The following ZNF84 variants were observed in gnomAD, a reference collection of about 807,000 sequenced individuals.
ZNF84 encodes zinc finger protein HPF2.
Under a neutral mutation model 14.8 loss-of-function variants are expected in ZNF84, and 12 were observed. The observed-to-expected ratio is 0.81, with a 90% CI of 0.52 to 1.31. The LOEUF is 1.31. ZNF84 is among the 50% of genes most tolerant of loss of function. The pLI is 0.00. For synonymous variants in ZNF84, 347 were observed against 291.1 expected (o/e 1.19, Z -1.96); for missense variants, 859 against 878.6 (o/e 0.98, Z 0.28).
chr12:133,055,491 C>T (rs1954138968), intron 4 of ZNF84, among the ~76,000 whole-genome samples: 2 of 151,696 alleles, frequency 1.3e-5, no homozygotes, highest in African/African-American at 4.8e-5. Context: ...CCAGTAATAC[C>T]ATAATACCCA....
chr12:133,053,769 TGGGG>T, intron 4 of ZNF84, among the ~76,000 whole-genome samples: 1 of 152,214 alleles, frequency 6.6e-6, no homozygotes, highest in East Asian at 1.9e-4. Flanking sequence ...ATGTTTATAA[TGGGG>T]TCTTGATTTT....
intron 4 of ZNF84, among the ~76,000 whole-genome samples, chr12:133,051,627 T>G (rs1243181618): frequency 6.6e-6 from 1 of 152,142 alleles, no homozygotes; most frequent in Admixed American, 6.6e-5. Flanking sequence ...AGCAAAAATA[T>G]AGTAACACAT....
intron 1 of ZNF84, chr12:133,040,351 C>T (rs1953864447): frequency 6.6e-6 from 1 of 151,764 alleles, no homozygotes; most frequent in South Asian, 2.1e-4. Flanking sequence ...TGCTTGAGCC[C>T]AGGAGTTTGA....
rs1391843693 is a variant in ZNF84 at position 133,058,814 on chromosome 12, A to C, written c.2099A>C (p.Asn700Thr). 1.9e-6 allele frequency: 3 copies of C among 1,613,948 alleles called. No individual in the cohort carries two copies. The highest frequency in any genetic ancestry group is 2.7e-5 in the African/African-American group (2 of 74,912). Residue 700 changes from asparagine (N) to threonine (T), a missense_variant, in exon 5 of 5, where the codon AAT becomes ACT. Transcript: ENST00000539354. ...TTCTCTCAGAAGTCACAGCTGGTTA[A>C]TCATCAGAGAATTCATACAGGAGAG... ...KAFSQKSQLV[N>T]HQRIHTGEKP...
chr12:133,041,442 C>T lies in ZNF84; in HGVS notation c.-26C>T. ...CACAGTAGAACCGATCTCAGCCTTG[C>T]TGATCATCTCGTACAGCAGCAGAAA... On this transcript the variant is annotated 5_prime_UTR_variant, in exon 2 of 5. Transcript: ENST00000539354. 6.2e-7 allele frequency: 1 copy of T among 1,613,962 alleles called. No homozygotes were observed. Among genetic ancestry groups the T allele is most frequent in the South Asian group, 1.1e-5 (1 of 91,072 alleles).
intron 4 of ZNF84, among the ~76,000 whole-genome samples, chr12:133,056,226 TATA>T (rs1435490889): frequency 6.6e-6 from 1 of 152,170 alleles, no homozygotes; most frequent in Non-Finnish European, 1.5e-5. Context: ...ATATAAATTT[TATA>T]ATGACAGGAA....
At chr12:133,053,475 T>A (rs377388495) in intron 4 of ZNF84, among the ~76,000 whole-genome samples, 1 of 152,142 alleles carries the variant, frequency 6.6e-6, no homozygotes. Context: ...TGTGGGGGCT[T>A]GCACCTGTAA....
At position 133,058,132 on chromosome 12, in the gene ZNF84, C is replaced by T; in HGVS notation, c.1417C>T (p.Gln473Ter). ...KCGKAFSRKS[Q>*]LVRHQRTHTG... Reference sequence around the variant, plus strand: ...TGGGAAAGCCTTCAGCAGGAAATCACAGCTCGTTAGACATCAGAGAACTCA... The same window carrying T: ...TGGGAAAGCCTTCAGCAGGAAATCATAGCTCGTTAGACATCAGAGAACTCA... Residue 473 changes from glutamine (Q) to a stop codon, truncating the protein, a stop_gained, in exon 5 of 5, where the codon CAG (glutamine) becomes TAG (stop). Transcript: ENST00000539354. LOFTEE classifies it low-confidence loss of function (END_TRUNC). 1 of 1,613,962 alleles carries T rather than the reference C, an allele frequency of 6.2e-7. No individual in the cohort carries two copies.
At chr12:133,054,865 C>G (rs2137405263) in intron 4 of ZNF84, among the ~76,000 whole-genome samples, 1 of 152,030 alleles carries the variant, frequency 6.6e-6, no homozygotes, top group South Asian at 2.1e-4. Context: ...TTATATGAGC[C>G]AAATACTAAC....
Position 133,059,195 on chromosome 12 carries a change from C to T in ZNF84, c.*263C>T. On this transcript the variant is annotated 3_prime_UTR_variant, in exon 5 of 5. Transcript: ENST00000539354. ...CAGCAAAGAAGAATCCTGTGAATGT[C>T]CAAAAGCCTTCCAGAAGTCAAGTCT... The T allele has an allele frequency of 2.4e-6, 1 of 411,580 alleles. No homozygotes were observed. Among genetic ancestry groups the T allele is most frequent in the Non-Finnish European group, 4.3e-6 (1 of 233,544 alleles). 25.5% of individuals were successfully genotyped at this position (411,580 alleles called of 1,614,324 possible).
chr12:133,047,670 ATG>A, intron 2 of ZNF84: 1 of 260,648 alleles, frequency 3.8e-6, no homozygotes, highest in Non-Finnish European at 7.7e-6. Flanking sequence ...CTGGATACAC[ATG>A]TAGTTTACTA....
At position 133,041,410 on chromosome 12, in the gene ZNF84, A is replaced by G; in HGVS notation, c.-58A>G. On this transcript the variant is annotated 5_prime_UTR_variant, in exon 2 of 5. Transcript: ENST00000539354. ...TCCACAGTTTTGGGGCAGAAGCAGAAGAGACGCACAGTAGAACCGATCTCA... is the reference window on the plus strand; with the variant it reads ...TCCACAGTTTTGGGGCAGAAGCAGAGGAGACGCACAGTAGAACCGATCTCA... The G allele has an allele frequency of 6.3e-7, 1 of 1,595,798 alleles. No individual in the cohort carries two copies. Among genetic ancestry groups the G allele is most frequent in the South Asian group, 1.1e-5 (1 of 90,522 alleles).
At position 133,057,885 on chromosome 12, in the gene ZNF84, T is replaced by G; in HGVS notation, c.1170T>G (p.Leu390=). The change falls in exon 5 of 5, where the codon CTT becomes CTG. Residue 390 remains leucine, a synonymous_variant. Coordinates refer to ENST00000539354, the MANE Select transcript of ZNF84 (RefSeq NM_001289971.2). ...CRKAFFEKSE[L]IRHQTIHTGE... ...AAGCATTCTTTGAGAAGTCAGAGCT[T>G]ATTAGACATCAGACAATTCATACTG... is the stretch of plus-strand genomic sequence containing the variant. 1 of 1,613,536 alleles carries G rather than the reference T, an allele frequency of 6.2e-7. No individual in the cohort carries two copies. Among genetic ancestry groups the G allele is most frequent in the South Asian group, 1.1e-5 (1 of 91,062 alleles).
At chr12:133,041,754 G>T (rs908109924) in intron 2 of ZNF84, among the ~76,000 whole-genome samples, 2 of 152,144 alleles carry the variant, frequency 1.3e-5, no homozygotes, top group African/African-American at 2.4e-5. Context: ...TTTGGTAGTC[G>T]TAATAGAGAA....
At position 133,058,306 on chromosome 12, in the gene ZNF84, A is replaced by T. The variant is rs1954197611; in HGVS notation, c.1591A>T (p.Ile531Leu). Reference sequence around the variant, plus strand: ...AGCCTTTTGTCAGAAGTCACATCTCATATCACATCAGAGGACACATACAGG... The same window carrying T: ...AGCCTTTTGTCAGAAGTCACATCTCTTATCACATCAGAGGACACATACAGG... Reference protein sequence around the residue: ...GKAFCQKSHLISHQRTHTGEK... With the variant: ...GKAFCQKSHLLSHQRTHTGEK... The change falls in exon 5 of 5, where the codon ATA becomes TTA. Residue 531 changes from isoleucine (I) to leucine (L), a missense_variant. By Grantham distance (5) the Ile-to-Leu change is conservative. Transcript: ENST00000539354. 2 of 1,614,186 alleles carry T rather than the reference A, an allele frequency of 1.2e-6. No individual in the cohort carries two copies. The highest frequency in any genetic ancestry group is 1.7e-5 in the Admixed American group (1 of 60,028).
intron 1 of ZNF84, among the ~76,000 whole-genome samples, chr12:133,039,378 T>A (rs1593692341): frequency 2.6e-5 from 4 of 152,342 alleles, no homozygotes; most frequent in East Asian, 3.9e-4. Flanking sequence ...GGATTTATGT[T>A]GTGTGTGTTT....
intron 1 of ZNF84, among the ~76,000 whole-genome samples, chr12:133,040,257 C>G (rs56152436): frequency 0.46 from 69,838 of 151,692 alleles, 16,852 homozygotes; most frequent in African/African-American, 0.6. Flanking sequence ...TAACATACCA[C>G]GTAAATACCA....
chr12:133,049,242 C>T (rs1359077152), intron 4 of ZNF84, among the ~76,000 whole-genome samples: 1 of 152,088 alleles, frequency 6.6e-6, no homozygotes, highest in Non-Finnish European at 1.5e-5. Context: ...TGATCCCATT[C>T]AGTCCCTCCT....
chr12:133,050,205 G>A (rs1247398564), intron 4 of ZNF84, among the ~76,000 whole-genome samples: 4 of 152,220 alleles, frequency 2.6e-5, no homozygotes, highest in Admixed American at 6.5e-5. Flanking sequence ...CTGACGCTCC[G>A]ACTACTGCTG....
Sources: gnomAD v4.1 joint callset for allele counts (sites outside exome capture counted in the v4.1 genomes callset) on GRCh38, gnomAD v4.1.1 for gene constraint, MANE v1.5 for transcripts, NCBI Gene and HGNC (gene_info 2026-07-23, HGNC 2026-07-21) for gene names.